TMEM170A: variants seen among roughly 807,000 people sequenced by gnomAD.
TMEM170A encodes transmembrane protein 170.
In TMEM170A, 18 loss-of-function variants were observed where a neutral mutation model predicts 12.8. The ratio of observed to expected loss-of-function variants is 1.41; its 90% CI spans 0.97 to 2.09. TMEM170A has a LOEUF of 2.09. TMEM170A is among the 30% of genes most tolerant of loss of function. The pLI, the probability that TMEM170A is intolerant of heterozygous loss-of-function variation, is 0.00. For synonymous variants in TMEM170A, 107 were observed against 76.2 expected (o/e 1.40, Z -2.11); for missense variants, 220 against 179.9 (o/e 1.22, Z -1.28).
Position 75,447,504 on chromosome 16 carries a change from C to G in TMEM170A, c.*54G>C. 6.4e-7 allele frequency: 1 copy of G among 1,565,460 alleles called. No individual in the cohort carries two copies. Among genetic ancestry groups the G allele is most frequent in the Non-Finnish European group, 8.6e-7 (1 of 1,159,176 alleles). ...AAAACACTACACTCCATAATGTATT[C>G]TTTTGGAGGATTCCATAAAGTTTAA... On this transcript the variant is annotated 3_prime_UTR_variant, in exon 3 of 3. Coordinates refer to ENST00000561878, the MANE Select transcript of TMEM170A (RefSeq NM_145254.3).
At position 75,444,751 on chromosome 16, in the gene TMEM170A, AC is replaced by A. The variant is rs2079555461; in HGVS notation, c.*2806del. On this transcript the variant is annotated 3_prime_UTR_variant, in exon 3 of 3. Transcript: ENST00000561878. ...TTATTCACTGGAGAATACTTCACCT[AC>A]TGGGATGGATGAAACACTCAGTAAT... 1.3e-5 allele frequency: 2 copies of A among 152,154 alleles called. No individual in the cohort carries two copies. Among genetic ancestry groups the A allele is most frequent in the Admixed American group, 1.3e-4 (2 of 15,262 alleles). 9.4% of individuals were successfully genotyped at this position (152,154 alleles called of 1,614,324 possible).
chr16:75,452,255 C>T (rs1450731361), intron 1 of TMEM170A, among the ~76,000 whole-genome samples: 1 of 151,814 alleles, frequency 6.6e-6, no homozygotes, highest in Admixed American at 6.6e-5. Flanking sequence ...CAGGCGTGAG[C>T]CACCGCGCCC....
At chr16:75,459,878 T>C (rs935620685) in intron 1 of TMEM170A, 34 of 151,048 alleles carry the variant, frequency 2.3e-4, no homozygotes, top group Middle Eastern at 3.2e-3. Context: ...AAGTCTTACG[T>C]AGTCCTGCAA....
At chr16:75,459,623 G>A (rs551951100) in intron 1 of TMEM170A, among the ~76,000 whole-genome samples, 48 of 152,168 alleles carry the variant, frequency 3.2e-4, no homozygotes, top group East Asian at 1.2e-3. Flanking sequence ...TTAGGAGGCC[G>A]AGGTAGGAGG....
At chr16:75,460,263 A>C (rs1416452598) in intron 1 of TMEM170A, among the ~76,000 whole-genome samples, 1 of 151,872 alleles carries the variant, frequency 6.6e-6, no homozygotes, top group East Asian at 1.9e-4. Flanking sequence ...AATATTCTCA[A>C]ATTAATTGTG....
rs2079534480 is a variant in TMEM170A at position 75,443,533 on chromosome 16, A to G, written c.*4025T>C. On this transcript the variant is annotated 3_prime_UTR_variant, in exon 3 of 3. Transcript: ENST00000561878. ...AGGGAAGGTTGATATGTGCTGCAGC[A>G]TAATAGGAACTTAATTCAAACCAGA... 1 of 152,230 alleles carries G rather than the reference A, an allele frequency of 6.6e-6. No homozygotes were observed. The highest frequency in any genetic ancestry group is 2.1e-4 in the South Asian group (1 of 4,830). The allele number at this position is 152,230 out of a possible 1,614,324, so 9.4% of individuals were successfully genotyped here. A position where few individuals can be genotyped will look rare whatever the true frequency, so the allele number is the denominator to read the frequency against.
In TMEM170A at chr16:75,452,217, C is replaced by A. The variant is rs570584614; in HGVS notation, c.134-378G>T. Among the ~76,000 whole-genome samples, 4 of 152,082 alleles carry A rather than the reference C, an allele frequency of 2.6e-5. No homozygotes were observed. In the South Asian group the frequency reaches 8.3e-4, roughly 32 times the overall value. On this transcript the variant is annotated intron_variant, in intron 1 of 2. Transcript: ENST00000561878. ...CGATCTCCTGACCTCATGATCCGCCCGCCTCGGCCTCCCAAGTGCTGGGAT... is the reference window on the plus strand; with the variant it reads ...CGATCTCCTGACCTCATGATCCGCCAGCCTCGGCCTCCCAAGTGCTGGGAT...
intron 1 of TMEM170A, among the ~76,000 whole-genome samples, chr16:75,461,988 G>C (rs1321907777): frequency 6.6e-6 from 1 of 152,166 alleles, no homozygotes; most frequent in Non-Finnish European, 1.5e-5. Flanking sequence ...CTAAAAGCCA[G>C]AGACTCAACA....
chr16:75,464,715 C>T, upstream of TMEM170A: 1 of 1,383,826 alleles, frequency 7.2e-7, no homozygotes, highest in Non-Finnish European at 9.5e-7. Context: ...CCTCTTCCCC[C>T]AATCCCAACG....
In TMEM170A at chr16:75,464,020, G is replaced by C. The variant is rs909685697; in HGVS notation, c.133+448C>G. On this transcript the variant is annotated intron_variant, in intron 1 of 2. Coordinates refer to ENST00000561878, the MANE Select transcript of TMEM170A (RefSeq NM_145254.3). ...CGCGGAGGGGCCGGGCTGCAGCCCC[G>C]GGGCAAGGGGAGCGCGAGCTCTGAC... is the stretch of plus-strand genomic sequence containing the variant. Among the ~76,000 whole-genome samples, 24 of 152,350 alleles carry C rather than the reference G, an allele frequency of 1.6e-4. 1 individual carries two copies. The East Asian group carries it at 2.9e-3, about 18-fold the overall frequency.
chr16:75,456,714 A>T (rs2079804957), intron 1 of TMEM170A, among the ~76,000 whole-genome samples: 2 of 152,316 alleles, frequency 1.3e-5, no homozygotes, highest in South Asian at 4.1e-4. Context: ...CAGTGCCTGC[A>T]TCTGGATACT....
At chr16:75,449,827 G>C (rs1279072307) in intron 2 of TMEM170A, among the ~76,000 whole-genome samples, 2 of 152,276 alleles carry the variant, frequency 1.3e-5, no homozygotes, top group South Asian at 2.1e-4. Context: ...GGGTTGGATA[G>C]AAAGAAGCTT....
At chr16:75,453,327 G>A (rs758488485) in intron 1 of TMEM170A, among the ~76,000 whole-genome samples, 1 of 152,128 alleles carries the variant, frequency 6.6e-6, no homozygotes, top group Non-Finnish European at 1.5e-5. Context: ...CTAGCTACTC[G>A]AGAGGCTGAG....
In TMEM170A at chr16:75,464,608, C is replaced by T. The variant is rs777041064; in HGVS notation, c.-8G>A. On this transcript the variant is annotated 5_prime_UTR_variant, in exon 1 of 3. Coordinates refer to ENST00000561878, the MANE Select transcript of TMEM170A (RefSeq NM_145254.3). ...GCTCCCCTCGCGCTCCATCCCGTCG[C>T]CATTCACCACAGAGAAATGAGGGAC... 16 of 1,581,786 alleles carry T rather than the reference C, an allele frequency of 1.0e-5. No individual in the cohort carries two copies. Among genetic ancestry groups the T allele is most frequent in the Admixed American group, 1.8e-5 (1 of 55,604 alleles).
rs1334758546 is a variant in TMEM170A at position 75,443,516 on chromosome 16, T to C, written c.*4042A>G. 1.3e-5 allele frequency: 2 copies of C among 152,238 alleles called. No individual in the cohort carries two copies. The highest frequency in any genetic ancestry group is 2.4e-5 in the African/African-American group (1 of 41,542). The allele number at this position is 152,238 out of a possible 1,614,324, so 9.4% of individuals were successfully genotyped here. A position where few individuals can be genotyped will look rare whatever the true frequency, so the allele number is the denominator to read the frequency against. ...CCAGGAAATGGTTACTTAGGGAAGG[T>C]TGATATGTGCTGCAGCATAATAGGA... On this transcript the variant is annotated 3_prime_UTR_variant, in exon 3 of 3. Transcript: ENST00000561878.
At chr16:75,458,489 T>A (rs533407587) in intron 1 of TMEM170A, 1 of 152,192 alleles carries the variant, frequency 6.6e-6, no homozygotes, top group Admixed American at 6.5e-5. Context: ...TCAGAGAGAT[T>A]TGAAGATGTT....
chr16:75,456,790 C>A (rs980139424), intron 1 of TMEM170A, among the ~76,000 whole-genome samples: 32 of 152,196 alleles, frequency 2.1e-4, no homozygotes, highest in African/African-American at 7.7e-4. Flanking sequence ...CCTGCCTGGG[C>A]AGCTACTGTG....
chr16:75,450,161 A>T (rs2079656752), intron 2 of TMEM170A, among the ~76,000 whole-genome samples: 1 of 144,096 alleles, frequency 6.9e-6, no homozygotes, highest in Non-Finnish European at 1.5e-5. Context: ...GAACACAGAG[A>T]AACTAGGCCA....
intron 2 of TMEM170A, among the ~76,000 whole-genome samples, chr16:75,448,669 C>T (rs1429280447): frequency 6.6e-6 from 1 of 151,776 alleles, no homozygotes; most frequent in East Asian, 1.9e-4. Flanking sequence ...GAGGCTGAGG[C>T]AGGAGAGCTG....
Sources: allele counts gnomAD v4.1 joint callset (sites outside exome capture counted in the v4.1 genomes callset), GRCh38; gene constraint gnomAD v4.1.1; transcripts MANE v1.5; gene names NCBI Gene and HGNC (gene_info 2026-07-23, HGNC 2026-07-21).